MTURN: variants seen among roughly 807,000 people sequenced by gnomAD.
The protein encoded by MTURN is maturin.
Under a neutral mutation model 14.9 loss-of-function variants are expected in MTURN, and 7 were observed. The observed-to-expected ratio is 0.47, with a 90% confidence interval of 0.27 to 0.88. MTURN has a LOEUF of 0.88. Ranked by LOEUF, MTURN falls within the 40% of genes least tolerant of loss-of-function variation. The probability of loss-of-function intolerance (pLI) is 0.14; values close to 1 mark genes in which losing one functional copy is unlikely to be tolerated. For missense variants in MTURN, 151 were observed against 174.1 expected (o/e 0.87, Z 0.75); for synonymous variants, 69 against 72.5 (o/e 0.95, Z 0.25).
intron 1 of MTURN, chr7:30,137,364 G>C: frequency 3.2e-6 from 1 of 316,076 alleles, no homozygotes; most frequent in Non-Finnish European, 6.3e-6. Context: ...AAGACAGTAA[G>C]TGGGCCAGGA....
At chr7:30,143,055 C>T (rs765949052) in intron 1 of MTURN, among the ~76,000 whole-genome samples, 1 of 152,138 alleles carries the variant, frequency 6.6e-6, no homozygotes, top group Non-Finnish European at 1.5e-5. Context: ...TTCTCAGGAG[C>T]ACCAGCCCTG....
Position 30,135,142 on chromosome 7 carries a change from T to G in MTURN, c.6T>G (p.Asp2Glu). The change falls in exon 1 of 3, where the codon GAT becomes GAG. Residue 2 changes from aspartate to glutamate, a missense_variant. Asp to Glu is a conservative substitution (Grantham distance 45). Transcript: ENST00000324453. M[D>E]FQQLADVAEK... is the part of the protein sequence containing the mutation. ...GAGGCGGGCGCGGGGCCGCGATGGA[T>G]TTCCAGCAGCTGGCCGACGTTGCGG... The G allele has an allele frequency of 6.9e-7, 1 of 1,454,346 alleles. No homozygotes were observed. The highest frequency in any genetic ancestry group is 9.1e-7 in the Non-Finnish European group (1 of 1,095,584). 90.1% of individuals were successfully genotyped at this position (1,454,346 alleles called of 1,614,324 possible).
intron 1 of MTURN, among the ~76,000 whole-genome samples, chr7:30,139,957 G>A (rs1184527641): frequency 6.6e-6 from 1 of 152,162 alleles, no homozygotes; most frequent in Non-Finnish European, 1.5e-5. Flanking sequence ...TTTGATAAGG[G>A]AGGGCTCCTG....
At chr7:30,136,700 C>T (rs1277000127) in intron 1 of MTURN, among the ~76,000 whole-genome samples, 1 of 152,166 alleles carries the variant, frequency 6.6e-6, no homozygotes, top group Non-Finnish European at 1.5e-5. Context: ...AAGTGGCACT[C>T]CAGAAGAGGG....
rs1797353567 is a variant in MTURN, at chr7:30,160,507, G to A, written c.*2959G>A. On this transcript the variant is annotated 3_prime_UTR_variant, in exon 3 of 3. Transcript: ENST00000324453. ...ATAGCTGGAAGAAAGTGAAAGATGAGTGCCAGTACTTTTGGCCTGTTATCC... is the reference window on the plus strand; with the variant it reads ...ATAGCTGGAAGAAAGTGAAAGATGAATGCCAGTACTTTTGGCCTGTTATCC... The A allele has an allele frequency of 6.6e-6, 1 of 152,292 alleles. No individual in the cohort carries two copies. The highest frequency in any genetic ancestry group is 1.5e-5 in the Non-Finnish European group (1 of 68,106). The allele number at this position is 152,292 out of a possible 1,614,324, so 9.4% of individuals were successfully genotyped here. A position where few individuals can be genotyped will look rare whatever the true frequency, so the allele number is the denominator to read the frequency against.
chr7:30,139,529 T>C (rs1348846762), intron 1 of MTURN, among the ~76,000 whole-genome samples: 1 of 152,130 alleles, frequency 6.6e-6, no homozygotes, highest in African/African-American at 2.4e-5. Flanking sequence ...CAGAAATTCA[T>C]TGAGGTAGAT....
At chr7:30,152,954 A>C (rs943910020) in intron 2 of MTURN, among the ~76,000 whole-genome samples, 1 of 152,204 alleles carries the variant, frequency 6.6e-6, no homozygotes, top group Non-Finnish European at 1.5e-5. Context: ...CTTTGTGGAC[A>C]GTGAGACACT....
At chr7:30,146,008 C>G (rs563079913) in intron 1 of MTURN, 169 bp from the exon 2 acceptor site, 2 of 1,549,560 alleles carry the variant, frequency 1.3e-6, no homozygotes, top group South Asian at 2.4e-5. Flanking sequence ...ATTTTTTCTT[C>G]CCTTTCAACG....
intron 2 of MTURN, among the ~76,000 whole-genome samples, chr7:30,156,252 T>C (rs1423143084): frequency 6.6e-6 from 1 of 152,152 alleles, no homozygotes; most frequent in Non-Finnish European, 1.5e-5. Context: ...ATACAGCAAT[T>C]GGAAAATACA....
intron 1 of MTURN, 114 bp downstream of exon 1, chr7:30,135,412 TA>T: frequency 1.1e-6 from 1 of 907,074 alleles, no homozygotes. Context: ...TGGGGGGCCG[TA>T]ACCCGCGCCC....
chr7:30,148,315 C>T (rs1450790153), intron 2 of MTURN, among the ~76,000 whole-genome samples: 2 of 152,102 alleles, frequency 1.3e-5, no homozygotes, highest in South Asian at 2.1e-4. Flanking sequence ...CACCTGTGTC[C>T]AGGGAGCAGG....
chr7:30,149,943 G>A (rs1221097145), intron 2 of MTURN, among the ~76,000 whole-genome samples: 2 of 152,250 alleles, frequency 1.3e-5, no homozygotes, highest in East Asian at 3.9e-4. Flanking sequence ...TTCTGCAGGG[G>A]GTTGCTTGTC....
intron 1 of MTURN, among the ~76,000 whole-genome samples, chr7:30,136,727 G>A (rs1246355578): frequency 6.6e-6 from 1 of 152,220 alleles, no homozygotes; most frequent in East Asian, 1.9e-4. Flanking sequence ...TTGTGTGACA[G>A]CCAGATTTGA....
At chr7:30,154,653 C>T (rs185206429) in intron 2 of MTURN, among the ~76,000 whole-genome samples, 19 of 152,324 alleles carry the variant, frequency 1.2e-4, no homozygotes, top group African/African-American at 4.6e-4. Context: ...CTCCAGCTAA[C>T]TAGAGCTCTG....
At chr7:30,137,084 C>G (rs1174771042) in intron 1 of MTURN, among the ~76,000 whole-genome samples, 1 of 151,172 alleles carries the variant, frequency 6.6e-6, no homozygotes, top group African/African-American at 2.5e-5. Flanking sequence ...AGTGGGAGAT[C>G]ATTAAAAAGG....
chr7:30,136,342 C>T (rs1299908325), intron 1 of MTURN, among the ~76,000 whole-genome samples: 1 of 152,090 alleles, frequency 6.6e-6, no homozygotes, highest in African/African-American at 2.4e-5. Context: ...GCACGGTGCT[C>T]ATGAAGTGTT....
intron 1 of MTURN, chr7:30,145,866 C>G: frequency 6.4e-7 from 1 of 1,551,106 alleles, no homozygotes; most frequent in South Asian, 1.2e-5. Context: ...TTAGCCTGCA[C>G]AAGGTGAACA....
At chr7:30,151,194 G>C (rs541184099) in intron 2 of MTURN, among the ~76,000 whole-genome samples, 2 of 152,270 alleles carry the variant, frequency 1.3e-5, no homozygotes, top group South Asian at 4.1e-4. Flanking sequence ...CTTGCTACTG[G>C]CATGTCGTAT....
Position 30,135,235 on chromosome 7 carries a change from C to G in MTURN, c.99C>G (p.Phe33Leu). ...AGGAGACCGAACGCAGGATGGATTT[C>G]TACGCCGACCCCGGCGTCTCCTTCT... ...ATEETERRMD[F>L]YADPGVSFYV... The change falls in exon 1 of 3, where the codon TTC becomes TTG. Residue 33 changes from phenylalanine to leucine, a missense_variant. By Grantham distance (22) the Phe-to-Leu change is conservative. Transcript: ENST00000324453. The G allele has an allele frequency of 1.3e-6, 2 of 1,517,740 alleles. No homozygotes were observed. The highest frequency in any genetic ancestry group is 1.8e-6 in the Non-Finnish European group (2 of 1,131,008). The allele number at this position is 1,517,740 out of a possible 1,614,324, so 94.0% of individuals were successfully genotyped here.
Sources: gnomAD v4.1 joint callset for allele counts (sites outside exome capture counted in the v4.1 genomes callset) on GRCh38, gnomAD v4.1.1 for gene constraint, MANE v1.5 for transcripts, NCBI Gene and HGNC (gene_info 2026-07-23, HGNC 2026-07-21) for gene names.